Variants in PSME4 observed in about 807,000 individuals in gnomAD.
The protein encoded by PSME4 is proteasome activator complex subunit 4.
Under a neutral mutation model 253.9 loss-of-function variants are expected in PSME4, and 89 were observed. That is an observed-to-expected ratio of 0.35 (90% CI 0.30 to 0.42). The LOEUF (loss-of-function observed/expected upper bound fraction) is 0.42. Ranked by LOEUF, PSME4 falls within the 10% of genes least tolerant of loss-of-function variation. PSME4 has a pLI of 1.00. For synonymous variants in PSME4, 851 were observed against 759.2 expected, an observed-to-expected ratio of 1.12 and a Z score of -1.99; for missense variants, 2,014 against 2,195.2, an observed-to-expected ratio of 0.92 and a Z score of 1.65.
chr2:53,890,249 CAG>C (rs1679844917), intron 36 of PSME4, 41 bp from the exon 37 acceptor site: 2 of 1,344,992 alleles, frequency 1.5e-6, no homozygotes, highest in African/African-American at 2.9e-5. Flanking sequence ...TAATGACACT[CAG>C]AACATTTTTC....
chr2:53,874,212 C>T (rs1679019319), intron 43 of PSME4, 127 bp downstream of exon 43: 4 of 917,192 alleles, frequency 4.4e-6, no homozygotes, highest in Admixed American at 2.7e-5. Flanking sequence ...TCACTGACTT[C>T]GTCTCTCAAA....
chr2:53,931,978 T>C lies in PSME4; in HGVS notation c.1173A>G (p.Gln391=), dbSNP rs765815318. The part of the protein sequence containing the change: ...PVPDSHKLTD[Q]DVTDFVQCII... ...TGCATTGTACAAAGTCTGTAACATC[T>C]TGATCAGTAAGCTTGTGGCTATCAG... The change falls in exon 10 of 47, where the codon CAA becomes CAG. Residue 391 remains glutamine (Q), a synonymous_variant. Transcript: ENST00000404125. The C allele has an allele frequency of 5.5e-5, 89 of 1,614,064 alleles. No homozygotes were observed. In the Admixed American group the frequency reaches 1.4e-3, roughly 26 times the overall value.
At chr2:53,871,419 A>G (rs1678869786) in intron 43 of PSME4, among the ~76,000 whole-genome samples, 1 of 151,812 alleles carries the variant, frequency 6.6e-6, no homozygotes, top group Non-Finnish European at 1.5e-5. Context: ...ACGCCTGGCT[A>G]ATTTTTTTGT....
At chr2:53,888,255 T>A (rs1270529039) in intron 38 of PSME4, 1 of 289,374 alleles carries the variant, frequency 3.5e-6, no homozygotes, top group South Asian at 1.1e-4. Context: ...TATTTAAACA[T>A]CACAATTCAA....
rs1184347610 is a variant in PSME4, at chr2:53,927,445, C to T, written c.1542G>A (p.Val514=). ...GTACAGATGAACAATCTACTAAAGG[C>T]ACCAGAGTAGAAAATGTTGCTATGA... ...FQFIATFSTL[V]PLVDCSSVLQ... Residue 514 remains valine (V), a synonymous_variant, in exon 12 of 47, where the codon GTG becomes GTA. Transcript: ENST00000404125. 5 of 1,597,570 alleles carry T rather than the reference C, an allele frequency of 3.1e-6. No homozygotes were observed. The highest frequency in any genetic ancestry group is 4.3e-6 in the Non-Finnish European group (5 of 1,165,110).
Position 53,934,596 on chromosome 2 carries a change from A to G in PSME4, c.957+9T>C, listed in dbSNP as rs1669018720. 2 of 1,605,062 alleles carry G rather than the reference A, an allele frequency of 1.2e-6. No homozygotes were observed. Among genetic ancestry groups the G allele is most frequent in the African/African-American group, 1.3e-5 (1 of 74,884 alleles). On this transcript the variant is annotated intron_variant, in intron 8 of 46. Transcript: ENST00000404125. The stretch of plus-strand genomic sequence containing the variant: ...AAACTACAGAAAACAAATATAATGT[A>G]TTACAAACCATCATGGCGGTGATCC...
chr2:53,952,599 T>C (rs1168291834), intron 1 of PSME4, among the ~76,000 whole-genome samples: 1 of 152,148 alleles, frequency 6.6e-6, no homozygotes, highest in Non-Finnish European at 1.5e-5. Context: ...CATTCTCCCC[T>C]GTGGTTAGGA....
At chr2:53,873,450 G>A (rs751861605) in intron 43 of PSME4, among the ~76,000 whole-genome samples, 14 of 152,034 alleles carry the variant, frequency 9.2e-5, no homozygotes, top group Non-Finnish European at 1.9e-4. Context: ...ACAAAACTAT[G>A]AAGTCCATAA....
chr2:53,932,032 G>C lies in PSME4; in HGVS notation c.1119C>G (p.Tyr373Ter). ...CAGGAGTTAACCAAGAGGGCTTCTTGTATCTTTCACGATGCAATCTTCTAA... is the reference window on the plus strand; with the variant it reads ...CAGGAGTTAACCAAGAGGGCTTCTTCTATCTTTCACGATGCAATCTTCTAA... Reference protein sequence around the residue: ...SVVRRLHRERYKKPSWLTPVP... With the variant: ...SVVRRLHRER Residue 373 changes from tyrosine (Y) to a stop codon, truncating the protein, a stop_gained, in exon 10 of 47, where the codon TAC (tyrosine) becomes TAG (stop). Transcript: ENST00000404125. LOFTEE classifies it high-confidence loss of function. The C allele has an allele frequency of 6.2e-7, 1 of 1,613,598 alleles. No individual in the cohort carries two copies. The highest frequency in any genetic ancestry group is 8.5e-7 in the Non-Finnish European group (1 of 1,179,488).
intron 29 of PSME4, 141 bp downstream of exon 29, chr2:53,899,740 C>T: frequency 9.9e-7 from 1 of 1,010,154 alleles, no homozygotes; most frequent in African/African-American, 1.6e-5. Flanking sequence ...AGAGCTTAAA[C>T]CCAGGAGGTG....
At chr2:53,970,090 G>A (rs1031314653) in intron 1 of PSME4, among the ~76,000 whole-genome samples, 3 of 152,194 alleles carry the variant, frequency 2.0e-5, no homozygotes, top group Non-Finnish European at 4.4e-5. Flanking sequence ...GAGATGCGAA[G>A]AGGCGGGGAT....
At chr2:53,887,082 G>A (rs147896494) in intron 40 of PSME4, among the ~76,000 whole-genome samples, 177 bp downstream of exon 40, 21 of 152,228 alleles carry the variant, frequency 1.4e-4, no homozygotes, top group African/African-American at 5.1e-4. Flanking sequence ...TGGTGATGAT[G>A]GTTGCGCAAG....
intron 1 of PSME4, among the ~76,000 whole-genome samples, chr2:53,952,412 C>T (rs1014797320): frequency 4.6e-5 from 7 of 152,062 alleles, no homozygotes; most frequent in East Asian, 1.9e-4. Context: ...CATGGTGGTG[C>T]GCGCCTCTAA....
intron 16 of PSME4, 97 bp from the exon 17 acceptor site, chr2:53,922,681 G>A (rs1668380428): frequency 7.2e-7 from 1 of 1,392,808 alleles, no homozygotes; most frequent in Non-Finnish European, 9.7e-7. Flanking sequence ...AATAGCTGAG[G>A]AAAACCTCTT....
intron 36 of PSME4, among the ~76,000 whole-genome samples, chr2:53,890,919 C>A (rs1042578796): frequency 6.6e-6 from 1 of 151,950 alleles, no homozygotes; most frequent in Non-Finnish European, 1.5e-5. Flanking sequence ...CCCAACTACT[C>A]GGGAGGCTGA....
Position 53,888,007 on chromosome 2 carries a change from T to C in PSME4, c.4389-18A>G, listed in dbSNP as rs369733591. On this transcript the variant is annotated intron_variant, in intron 38 of 46. Transcript: ENST00000404125. ...AAAGTCGACTAAAATTAAAGCATCG[T>C]AGTGTTATATTGGAGGCCCTTTCTG... 1.5e-4 allele frequency: 239 copies of C among 1,601,742 alleles called. No individual in the cohort carries two copies. Among genetic ancestry groups the C allele is most frequent in the African/African-American group, 2.4e-4 (18 of 74,220 alleles).
At chr2:53,962,013 AG>A (rs1274946897) in intron 1 of PSME4, among the ~76,000 whole-genome samples, 1 of 152,254 alleles carries the variant, frequency 6.6e-6, no homozygotes, top group African/African-American at 2.4e-5. Context: ...TGGAATGCTG[AG>A]AAAGATAAAA....
intron 1 of PSME4, among the ~76,000 whole-genome samples, chr2:53,963,244 C>T (rs144993391): frequency 1.3e-5 from 2 of 151,900 alleles, no homozygotes; most frequent in Non-Finnish European, 2.9e-5. Flanking sequence ...GAGGATCGCT[C>T]GAGGCCAGGA....
chr2:53,940,005 G>C lies in PSME4; in HGVS notation c.501-5C>G, dbSNP rs367842746. ...TTGAGAATATTTTCTACAGAACTGG[G>C]GGGGGAAAGCCATTTGATAATTAGA... is the stretch of plus-strand genomic sequence containing the variant. On this transcript the variant is annotated splice_region_variant and splice_polypyrimidine_tract_variant and intron_variant, in intron 3 of 46. Coordinates refer to ENST00000404125, the MANE Select transcript of PSME4 (RefSeq NM_014614.3). 8 of 1,571,214 alleles carry C rather than the reference G, an allele frequency of 5.1e-6. No homozygotes were observed. Among genetic ancestry groups the C allele is most frequent in the Non-Finnish European group, 7.0e-6 (8 of 1,150,032 alleles).
Sources: allele counts gnomAD v4.1 joint callset (sites outside exome capture counted in the v4.1 genomes callset), GRCh38; gene constraint gnomAD v4.1.1; transcripts MANE v1.5; gene names NCBI Gene and HGNC (gene_info 2026-07-23, HGNC 2026-07-21).